Variants in TMC1 observed in about 807,000 individuals in gnomAD.
TMC1 encodes transmembrane channel-like protein 1.
TMC1 carries 84 observed loss-of-function variants against 105.8 expected under a neutral mutation model. That is an observed-to-expected ratio of 0.79 (90% CI 0.67 to 0.95). TMC1 has a LOEUF of 0.95. Ranked by LOEUF, TMC1 falls within the 40% of genes least tolerant of loss-of-function variation. TMC1 has a pLI of 0.00. For missense variants in TMC1, 817 were observed against 914.1 expected, an observed-to-expected ratio of 0.89 and a Z score of 1.37; for synonymous variants, 315 against 311.5, an observed-to-expected ratio of 1.01 and a Z score of -0.12.
At chr9:72,745,029 A>G (rs113577923) in intron 10 of TMC1, among the ~76,000 whole-genome samples, 136 of 152,254 alleles carry the variant, frequency 8.9e-4, no homozygotes, top group African/African-American at 3.2e-3. Flanking sequence ...GCAAATGTAG[A>G]TTATTTTTCT....
intron 9 of TMC1, 32 bp from the exon 10 acceptor site, chr9:72,742,412 G>A (rs1290960501): frequency 5.1e-6 from 8 of 1,564,342 alleles, no homozygotes; most frequent in Non-Finnish European, 7.0e-6. Flanking sequence ...CAAGAGGTTG[G>A]ACTTTACTTT....
chr9:72,693,119 C>CA (rs5898267), intron 6 of TMC1, among the ~76,000 whole-genome samples: 67,338 of 132,390 alleles, frequency 0.51, 17,391 homozygotes, highest in African/African-American at 0.72. Flanking sequence ...AATTGTGTCT[C>CA]AAAAAAAAAA....
chr9:72,533,548 A>G (rs1823531385), intron 1 of TMC1, among the ~76,000 whole-genome samples: 1 of 152,238 alleles, frequency 6.6e-6, no homozygotes, highest in African/African-American at 2.4e-5. Flanking sequence ...GATGCAGTCC[A>G]CACAACCTTG....
intron 4 of TMC1, among the ~76,000 whole-genome samples, chr9:72,631,824 A>G (rs1825456896): frequency 6.6e-6 from 1 of 152,180 alleles, no homozygotes; most frequent in South Asian, 2.1e-4. Context: ...TAAAAACAAG[A>G]GCGCATGCAA....
intron 8 of TMC1, among the ~76,000 whole-genome samples, chr9:72,710,870 G>A (rs1826823962): frequency 6.6e-6 from 1 of 152,090 alleles, no homozygotes; most frequent in South Asian, 2.1e-4. Context: ...ATGCCATGGT[G>A]GTTTGCTGCA....
chr9:72,674,518 C>G (rs12338148), intron 5 of TMC1, among the ~76,000 whole-genome samples: 23,284 of 152,204 alleles, frequency 0.15, 1,954 homozygotes, highest in African/African-American at 0.2. Context: ...TCCCCGTGCC[C>G]TCAGGATGCC....
intron 13 of TMC1, among the ~76,000 whole-genome samples, chr9:72,777,723 G>A (rs972043491): frequency 6.6e-6 from 1 of 152,226 alleles, no homozygotes; most frequent in Admixed American, 6.5e-5. Flanking sequence ...AATAAGGATA[G>A]TAGTAGTTCA....
chr9:72,734,105 G>A (rs1450151502), intron 8 of TMC1, among the ~76,000 whole-genome samples: 1 of 152,196 alleles, frequency 6.6e-6, no homozygotes, highest in Non-Finnish European at 1.5e-5. Flanking sequence ...TCACTTCCCA[G>A]GCTGGACAGC....
At chr9:72,789,978 G>A (rs1164468524) in intron 15 of TMC1, among the ~76,000 whole-genome samples, 1 of 152,148 alleles carries the variant, frequency 6.6e-6, no homozygotes, top group African/African-American at 2.4e-5. Context: ...TAAACATTAT[G>A]ACCGTAATTT....
chr9:72,831,134 T>C (rs1024903658), intron 23 of TMC1, among the ~76,000 whole-genome samples: 1 of 152,174 alleles, frequency 6.6e-6, no homozygotes, highest in Non-Finnish European at 1.5e-5. Flanking sequence ...CATTAAACTT[T>C]CTTTTTTTAA....
intron 1 of TMC1, among the ~76,000 whole-genome samples, chr9:72,566,038 CAA>C (rs1587961486): frequency 6.6e-6 from 1 of 152,042 alleles, no homozygotes; most frequent in Non-Finnish European, 1.5e-5. Flanking sequence ...ATAAAATAAA[CAA>C]AAGAGAAGAG....
intron 2 of TMC1, among the ~76,000 whole-genome samples, chr9:72,610,663 GA>G (rs1431362236): frequency 6.6e-6 from 1 of 152,174 alleles, no homozygotes; most frequent in Non-Finnish European, 1.5e-5. Flanking sequence ...ATCTCATCCA[GA>G]AACACCCTCA....
At chr9:72,531,596 C>G (rs1823498375) in intron 1 of TMC1, among the ~76,000 whole-genome samples, 1 of 152,186 alleles carries the variant, frequency 6.6e-6, no homozygotes, top group Admixed American at 6.5e-5. Flanking sequence ...ATGGAGCTCT[C>G]AGTCACATAA....
chr9:72,551,802 G>A (rs1823864174), intron 1 of TMC1, among the ~76,000 whole-genome samples: 1 of 152,148 alleles, frequency 6.6e-6, no homozygotes, highest in Non-Finnish European at 1.5e-5. Flanking sequence ...AATATGGCCG[G>A]CATCCTCATA....
chr9:72,672,865 T>TACAC (rs1564482069), intron 5 of TMC1, among the ~76,000 whole-genome samples: 8 of 135,070 alleles, frequency 5.9e-5, no homozygotes, highest in African/African-American at 1.7e-4. Context: ...CACACACACG[T>TACAC]GTATATATAT....
At chr9:72,768,740 C>G (rs1246782897) in intron 12 of TMC1, among the ~76,000 whole-genome samples, 1 of 152,082 alleles carries the variant, frequency 6.6e-6, no homozygotes, top group Non-Finnish European at 1.5e-5. Context: ...GCTGGCTGCC[C>G]CCAGTAGCTA....
intron 8 of TMC1, among the ~76,000 whole-genome samples, chr9:72,722,507 T>C (rs1422177289): frequency 2.0e-5 from 3 of 152,214 alleles, no homozygotes; most frequent in Non-Finnish European, 4.4e-5. Flanking sequence ...TTCATTTGGC[T>C]CTTCTGTTAG....
intron 5 of TMC1, among the ~76,000 whole-genome samples, chr9:72,661,067 G>A (rs560632145): frequency 2.0e-5 from 3 of 152,090 alleles, no homozygotes; most frequent in Non-Finnish European, 2.9e-5. Context: ...CAGGAGAATC[G>A]CTTGAACCTG....
At position 72,607,002 on chromosome 9, in the gene TMC1, T is replaced by TATATATAGAGAGAGAGAGAG. The variant is rs372785242; in HGVS notation, c.-305-9365_-305-9364insTATATAGAGAGAGAGAGAGA. On this transcript the variant is annotated intron_variant, in intron 2 of 23. Coordinates refer to ENST00000297784, the MANE Select transcript of TMC1 (RefSeq NM_138691.3). Reference sequence around the variant, plus strand: ...GTGTGCATATATATATATATATATATAGAGAGAGAGAGAGAGAGAGAGAGA... The same window carrying TATATATAGAGAGAGAGAGAG: ...GTGTGCATATATATATATATATATATATATATAGAGAGAGAGAGAGAGAGAGAGAGAGAGAGAGAGAGAGA... Among the ~76,000 whole-genome samples the TATATATAGAGAGAGAGAGAG allele has an allele frequency of 3.7e-3, 503 of 134,900 alleles. 1 individual carries two copies. Among genetic ancestry groups the TATATATAGAGAGAGAGAGAG allele is most frequent in the Non-Finnish European group, 5.9e-3 (372 of 63,538 alleles). The allele number at this position is 134,900 out of a possible 152,430, so 88.5% of individuals were successfully genotyped here.
Sources: gnomAD v4.1 joint callset for allele counts (sites outside exome capture counted in the v4.1 genomes callset) on GRCh38, gnomAD v4.1.1 for gene constraint, MANE v1.5 for transcripts, NCBI Gene and HGNC (gene_info 2026-07-23, HGNC 2026-07-21) for gene names.